MGAT4C: variants seen among roughly 807,000 people sequenced by gnomAD.
The protein encoded by MGAT4C is alpha-1,3-mannosyl-glycoprotein 4-beta-N-acetylglucosaminyltransferase C.
A neutral mutation model predicts 40.1 loss-of-function variants in MGAT4C; 19 were observed. The ratio of observed to expected loss-of-function variants is 0.47; its 90% CI spans 0.33 to 0.70. The LOEUF (loss-of-function observed/expected upper bound fraction) is 0.70, where lower values mean the gene tolerates loss of function less well. Ranked by LOEUF, MGAT4C falls within the 30% of genes least tolerant of loss-of-function variation. The pLI is 0.02. For synonymous variants in MGAT4C, 181 were observed against 187.1 expected, an observed-to-expected ratio of 0.97 and a Z score of 0.27; for missense variants, 491 against 563.2, an observed-to-expected ratio of 0.87 and a Z score of 1.30.
rs137969685 is a variant in MGAT4C, at chr12:86,519,489, A to G, written c.-228-84224T>C. 8.9e-3 allele frequency among the ~76,000 whole-genome samples: 1,351 copies of G among 152,258 alleles called. 8 individuals are homozygous for G. The highest frequency in any genetic ancestry group is 0.017 in the Middle Eastern group (5 of 294). On this transcript the variant is annotated intron_variant, in intron 2 of 7. Transcript: ENST00000548651. ...TTTGAGGACCTCCATACTGTTCTCCACAGTGGTTGTACTAATTTACATTCC... is the reference window on the plus strand; with the variant it reads ...TTTGAGGACCTCCATACTGTTCTCCGCAGTGGTTGTACTAATTTACATTCC...
intron 2 of MGAT4C, among the ~76,000 whole-genome samples, chr12:86,606,871 C>T (rs1593038046): frequency 6.6e-6 from 1 of 152,088 alleles, no homozygotes; most frequent in Non-Finnish European, 1.5e-5. Context: ...CAGAGTGACA[C>T]ATTAGATTTA....
chr12:85,980,326 C>T lies in MGAT4C; in HGVS notation c.400G>A (p.Glu134Lys), dbSNP rs1884425367. The T allele has an allele frequency of 6.2e-7, 1 of 1,613,770 alleles. No individual in the cohort carries two copies. Among genetic ancestry groups the T allele is most frequent in the Non-Finnish European group, 8.5e-7 (1 of 1,179,890 alleles). ...GCTAGGTGAACCACCACTGAAATTT[C>T]CTTCAGCTCTTCATAGCTGGATTGC... The part of the protein sequence containing the change: ...FEQSSYEELK[E>K]ISVVVHLADF... Residue 134 changes from glutamate to lysine, a missense_variant, in exon 5 of 5, where the codon GAA becomes AAA. Physicochemically the swap from Glu to Lys is moderately conservative, Grantham distance 56. Transcript: ENST00000611864.
chr12:86,362,422 C>A (rs555021213), intron 3 of MGAT4C, among the ~76,000 whole-genome samples: 65 of 152,080 alleles, frequency 4.3e-4, no homozygotes, highest in African/African-American at 1.3e-3. Context: ...ACCAACATGG[C>A]ACATATATGT....
chr12:86,157,610 G>GA (rs200155909), intron 1 of MGAT4C, among the ~76,000 whole-genome samples: 2,387 of 149,860 alleles, frequency 0.016, 22 homozygotes, highest in Non-Finnish European at 0.024. Context: ...ATAAAGAAAA[G>GA]AAAAAAAAAG....
At chr12:86,082,144 G>C (rs1870952673) in intron 1 of MGAT4C, among the ~76,000 whole-genome samples, 1 of 152,036 alleles carries the variant, frequency 6.6e-6, no homozygotes, top group African/African-American at 2.4e-5. Context: ...TCACAAAATG[G>C]ACAACAGCAC....
At chr12:86,289,575 T>A (rs61950671) in intron 4 of MGAT4C, among the ~76,000 whole-genome samples, 12,091 of 152,274 alleles carry the variant, frequency 0.079, 680 homozygotes, top group Middle Eastern at 0.21. Flanking sequence ...TCACTTCTGA[T>A]GTCTTTCAGC....
intron 3 of MGAT4C, among the ~76,000 whole-genome samples, chr12:86,388,928 C>T (rs1956114650): frequency 6.6e-6 from 1 of 152,096 alleles, no homozygotes; most frequent in Non-Finnish European, 1.5e-5. Context: ...AGGTGATCCG[C>T]TTGCCTCGGC....
chr12:86,787,838 C>G (rs74892205), intron 1 of MGAT4C, among the ~76,000 whole-genome samples: 3,206 of 152,258 alleles, frequency 0.021, 104 homozygotes, highest in African/African-American at 0.073. Context: ...GCCTCCACCT[C>G]CAGGCTTAAG....
intron 1 of MGAT4C, among the ~76,000 whole-genome samples, chr12:86,128,862 T>G (rs536861604): frequency 1.8e-4 from 27 of 152,276 alleles, no homozygotes; most frequent in Admixed American, 5.2e-4. Flanking sequence ...AGGTGAGAGA[T>G]GAGGAACCAG....
At chr12:86,207,537 C>G (rs1179745917) in intron 1 of MGAT4C, among the ~76,000 whole-genome samples, 1 of 151,046 alleles carries the variant, frequency 6.6e-6, no homozygotes, top group East Asian at 1.9e-4. Flanking sequence ...ACAAGTTTGT[C>G]AGGTACAAAA....
intron 4 of MGAT4C, among the ~76,000 whole-genome samples, chr12:86,278,985 C>T (rs1953146693): frequency 3.1e-5 from 1 of 32,756 alleles, no homozygotes; most frequent in Admixed American, 3.2e-4. Flanking sequence ...TCCTTATATC[C>T]CTGTGATAAA....
chr12:86,614,266 C>T (rs914948456), intron 2 of MGAT4C, among the ~76,000 whole-genome samples: 3 of 152,088 alleles, frequency 2.0e-5, no homozygotes, highest in Non-Finnish European at 4.4e-5. Flanking sequence ...AAATAAATAT[C>T]ATGTGAGTTT....
intron 4 of MGAT4C, among the ~76,000 whole-genome samples, chr12:86,319,318 A>T (rs1169243829): frequency 6.6e-6 from 1 of 152,094 alleles, no homozygotes; most frequent in Non-Finnish European, 1.5e-5. Context: ...TCATGATGTG[A>T]TCTCAGACTG....
At chr12:86,140,470 G>A (rs1342780073) in intron 1 of MGAT4C, among the ~76,000 whole-genome samples, 1 of 151,942 alleles carries the variant, frequency 6.6e-6, no homozygotes, top group Non-Finnish European at 1.5e-5. Context: ...GGAACATGTG[G>A]ACACAGGGAG....
chr12:86,272,799 G>A (rs1952982312), intron 4 of MGAT4C, among the ~76,000 whole-genome samples: 1 of 152,206 alleles, frequency 6.6e-6, no homozygotes, highest in Admixed American at 6.5e-5. Flanking sequence ...GCTACAGTAA[G>A]CAGTGATCAT....
At chr12:86,186,624 G>C (rs1451468426) in intron 1 of MGAT4C, among the ~76,000 whole-genome samples, 1 of 152,084 alleles carries the variant, frequency 6.6e-6, no homozygotes, top group Non-Finnish European at 1.5e-5. Context: ...TTAATCATGG[G>C]AGATTCAATG....
chr12:86,705,751 A>T lies in MGAT4C; in HGVS notation c.-229+21458T>A, dbSNP rs562593742. Among the ~76,000 whole-genome samples the T allele has an allele frequency of 3.3e-3, 498 of 152,292 alleles. 3 individuals are homozygous for T. Among genetic ancestry groups the T allele is most frequent in the African/African-American group, 0.011 (476 of 41,578 alleles). ...ACTTTAGAGAGCTTGACAAAATATA[A>T]GAGGAGATACAATGTAGTGTAACAA... is the stretch of plus-strand genomic sequence containing the variant. On this transcript the variant is annotated intron_variant, in intron 2 of 7. Transcript: ENST00000548651.
intron 1 of MGAT4C, among the ~76,000 whole-genome samples, chr12:86,194,027 C>A (rs1404272262): frequency 6.6e-6 from 1 of 151,938 alleles, no homozygotes; most frequent in Admixed American, 6.6e-5. Flanking sequence ...AGATGCTAAA[C>A]CTTTTGATCA....
At chr12:86,011,844 A>C in intron 2 of MGAT4C, 1 of 985,298 alleles carries the variant, frequency 1.0e-6, no homozygotes. Context: ...TTTGGTCTCA[A>C]ATTTGCAACC....
Sources: allele counts gnomAD v4.1 joint callset (sites outside exome capture counted in the v4.1 genomes callset), GRCh38; gene constraint gnomAD v4.1.1; transcripts MANE v1.5; gene names NCBI Gene and HGNC (gene_info 2026-07-23, HGNC 2026-07-21).